The following FBXO36 variants were observed in gnomAD, a reference collection of about 807,000 sequenced individuals.
The protein encoded by FBXO36 is F-box protein 36, also known as F-box only protein 36.
In FBXO36, 18 loss-of-function variants were observed where a neutral mutation model predicts 17.0. The observed-to-expected ratio is 1.06, with a 90% CI of 0.73 to 1.57. The LOEUF is 1.57. Ranked by LOEUF, FBXO36 falls within the 40% of genes most tolerant of loss-of-function variation. The pLI is 0.00. For missense variants in FBXO36, 229 were observed against 221.9 expected (o/e 1.03, Z -0.20); for synonymous variants, 83 against 85.3 (o/e 0.97, Z 0.15).
intron 2 of FBXO36, among the ~76,000 whole-genome samples, chr2:229,987,244 C>G (rs2077273095): frequency 6.6e-6 from 1 of 151,490 alleles, no homozygotes; most frequent in South Asian, 2.1e-4. Flanking sequence ...TACAGAGACT[C>G]AATACCACTA....
At chr2:229,940,306 GACTACT>G (rs1355111135) in intron 1 of FBXO36, among the ~76,000 whole-genome samples, 4 of 152,226 alleles carry the variant, frequency 2.6e-5, no homozygotes, top group Non-Finnish European at 4.4e-5. Context: ...GTAACACCAA[GACTACT>G]TTATTGAAAG....
chr2:229,949,794 G>C (rs556262482), intron 1 of FBXO36, among the ~76,000 whole-genome samples: 1 of 151,976 alleles, frequency 6.6e-6, no homozygotes, highest in Non-Finnish European at 1.5e-5. Context: ...GCGTGGTGGC[G>C]GGCGCCTGTA....
rs1051244788 is a variant in FBXO36, at chr2:229,960,492, G to A, written c.97-15749G>A. Among the ~76,000 whole-genome samples the A allele has an allele frequency of 1.3e-4, 19 of 150,976 alleles. No homozygotes were observed. The East Asian group carries it at 3.3e-3, about 26-fold the overall frequency. ...CCATGCCGGTCTTTTTTTTTTGGGCGGGGGGGCGGTGGTGTTGGGATAGGG... is the reference window on the plus strand; with the variant it reads ...CCATGCCGGTCTTTTTTTTTTGGGCAGGGGGGCGGTGGTGTTGGGATAGGG... On this transcript the variant is annotated intron_variant, in intron 1 of 3. Coordinates refer to ENST00000283946, the MANE Select transcript of FBXO36 (RefSeq NM_174899.5).
intron 1 of FBXO36, among the ~76,000 whole-genome samples, chr2:229,974,409 T>TC (rs1174668594): frequency 6.6e-6 from 1 of 152,180 alleles, no homozygotes; most frequent in East Asian, 1.9e-4. Flanking sequence ...ATGGAGAGCG[T>TC]CCCTCCAGTG....
At chr2:229,936,934 A>G (rs2076967114) in intron 1 of FBXO36, among the ~76,000 whole-genome samples, 1 of 152,194 alleles carries the variant, frequency 6.6e-6, no homozygotes, top group Non-Finnish European at 1.5e-5. Context: ...AAATTTCTGC[A>G]TTTTATTATA....
At chr2:230,003,312 G>A (rs1488481621) in intron 3 of FBXO36, among the ~76,000 whole-genome samples, 1 of 151,270 alleles carries the variant, frequency 6.6e-6, no homozygotes, top group African/African-American at 2.4e-5. Flanking sequence ...GTGAAAGTCA[G>A]CAGCAACCTT....
At chr2:229,980,207 C>T (rs1164935692) in intron 2 of FBXO36, among the ~76,000 whole-genome samples, 1 of 152,042 alleles carries the variant, frequency 6.6e-6, no homozygotes, top group Non-Finnish European at 1.5e-5. Context: ...ACTACAGGCA[C>T]ACACCACCAC....
At chr2:229,975,421 A>G (rs2077202291) in intron 1 of FBXO36, among the ~76,000 whole-genome samples, 1 of 152,022 alleles carries the variant, frequency 6.6e-6, no homozygotes, top group Non-Finnish European at 1.5e-5. Flanking sequence ...TTCCGGAAAC[A>G]GATAACCATT....
Position 230,010,686 on chromosome 2 carries a change from C to A in FBXO36, c.379-10C>A. On this transcript the variant is annotated splice_polypyrimidine_tract_variant and intron_variant, in intron 3 of 3. Coordinates refer to ENST00000283946, the MANE Select transcript of FBXO36 (RefSeq NM_174899.5). ...TGCTGTAACCCACCTCTGACTTTTC[C>A]CACCCACAGCTGTGCATGTCTGATA... The A allele has an allele frequency of 6.3e-7, 1 of 1,589,754 alleles. No homozygotes were observed. Among genetic ancestry groups the A allele is most frequent in the South Asian group, 1.1e-5 (1 of 88,880 alleles).
rs1047681858 is a variant in FBXO36 at position 229,975,292 on chromosome 2, C to T, written c.97-949C>T. Among the ~76,000 whole-genome samples, 11 of 152,072 alleles carry T rather than the reference C, an allele frequency of 7.2e-5. 1 individual carries two copies. The highest frequency in any genetic ancestry group is 3.3e-4 in the Admixed American group (5 of 15,244). On this transcript the variant is annotated intron_variant, in intron 1 of 3. Coordinates refer to ENST00000283946, the MANE Select transcript of FBXO36 (RefSeq NM_174899.5). ...TCTCTGTCCATGTAACTGTTGCTCTCTGTGGGAAAATTATCCACTCATCTT... is the reference window on the plus strand; with the variant it reads ...TCTCTGTCCATGTAACTGTTGCTCTTTGTGGGAAAATTATCCACTCATCTT...
In FBXO36 at chr2:230,011,947, A is replaced by C. The variant is rs962438856; in HGVS notation, c.*1063A>C. ...AAAGGTCACTTCACTGAGAAGGCTT[A>C]CTTAAAAATGTTTTTCTCCCTGCAC... On this transcript the variant is annotated 3_prime_UTR_variant, in exon 4 of 4. Coordinates refer to ENST00000283946, the MANE Select transcript of FBXO36 (RefSeq NM_174899.5). 1 of 152,198 alleles carries C rather than the reference A, an allele frequency of 6.6e-6. No homozygotes were observed. The highest frequency in any genetic ancestry group is 6.5e-5 in the Admixed American group (1 of 15,270). The allele number at this position is 152,198 out of a possible 1,614,324, so 9.4% of individuals were successfully genotyped here.
At chr2:229,987,590 C>T (rs994779078) in intron 2 of FBXO36, among the ~76,000 whole-genome samples, 1 of 151,986 alleles carries the variant, frequency 6.6e-6, no homozygotes, top group South Asian at 2.1e-4. Context: ...TTTTTAGCTT[C>T]TTGAGATGGA....
intron 1 of FBXO36, among the ~76,000 whole-genome samples, chr2:229,937,013 A>C (rs779653833): frequency 6.6e-6 from 1 of 152,156 alleles, no homozygotes; most frequent in African/African-American, 2.4e-5. Flanking sequence ...TGAACTTCTA[A>C]AATTGCAAAT....
intron 1 of FBXO36, among the ~76,000 whole-genome samples, chr2:229,956,661 C>G (rs2077089676): frequency 6.6e-6 from 1 of 152,118 alleles, no homozygotes. Context: ...TGATGGGATT[C>G]TTGTGGAGGG....
intron 1 of FBXO36, among the ~76,000 whole-genome samples, chr2:229,974,371 T>G (rs1308473604): frequency 1.3e-5 from 2 of 152,182 alleles, no homozygotes; most frequent in African/African-American, 4.8e-5. Flanking sequence ...AGCTTATCTG[T>G]GTGTGTGACT....
intron 2 of FBXO36, among the ~76,000 whole-genome samples, chr2:229,982,701 G>A (rs1043076866): frequency 6.6e-6 from 1 of 151,280 alleles, no homozygotes; most frequent in Non-Finnish European, 1.5e-5. Context: ...CAGCTACTTG[G>A]GAGGCTGAGG....
At chr2:229,934,984 T>G (rs975971044) in intron 1 of FBXO36, among the ~76,000 whole-genome samples, 4 of 152,218 alleles carry the variant, frequency 2.6e-5, no homozygotes, top group African/African-American at 7.2e-5. Context: ...TCTGCAACCA[T>G]TTTATTCTAA....
chr2:230,001,112 G>A (rs2077356240), intron 3 of FBXO36, among the ~76,000 whole-genome samples: 1 of 151,946 alleles, frequency 6.6e-6, no homozygotes, highest in South Asian at 2.1e-4. Context: ...ACCTACCTCA[G>A]CCTCCCAAAG....
rs1053627438 is a variant in FBXO36 at position 230,006,849 on chromosome 2, C to G, written c.379-3847C>G. Among the ~76,000 whole-genome samples the G allele has an allele frequency of 1.6e-4, 24 of 152,184 alleles. 1 individual carries two copies. The highest frequency in any genetic ancestry group is 1.5e-3 in the Admixed American group (23 of 15,286). On this transcript the variant is annotated intron_variant, in intron 3 of 3. Transcript: ENST00000283946. ...GCCTTAGAAGCATAAAGACACATTC[C>G]CAAGAGCCAGACTGTGTAGGGACTC...
Sources: gnomAD v4.1 joint callset for allele counts (sites outside exome capture counted in the v4.1 genomes callset) on GRCh38, gnomAD v4.1.1 for gene constraint, MANE v1.5 for transcripts, NCBI Gene and HGNC (gene_info 2026-07-23, HGNC 2026-07-21) for gene names.